DNAH6: variants seen among roughly 807,000 people sequenced by gnomAD.
The protein encoded by DNAH6 is dynein axonemal heavy chain 6.
In DNAH6, 340 loss-of-function variants were observed where a neutral mutation model predicts 491.4. The observed-to-expected ratio is 0.69, with a 90% CI of 0.63 to 0.76. The LOEUF (loss-of-function observed/expected upper bound fraction) is 0.76, where lower values mean the gene tolerates loss of function less well. DNAH6 is among the 30% of genes least tolerant of loss of function. The pLI is 0.00. For synonymous variants in DNAH6, 1,603 were observed against 1,686.1 expected, an observed-to-expected ratio of 0.95 and a Z score of 1.21; for missense variants, 4,443 against 4,972.2, an observed-to-expected ratio of 0.89 and a Z score of 3.20.
chr2:84,739,783 G>C (rs1485794977), intron 62 of DNAH6, among the ~76,000 whole-genome samples: 1 of 151,972 alleles, frequency 6.6e-6, no homozygotes, highest in Non-Finnish European at 1.5e-5. Context: ...TTCATATCTT[G>C]GATCATTTTT....
intron 58 of DNAH6, among the ~76,000 whole-genome samples, chr2:84,716,841 G>A (rs922494395): frequency 2.6e-5 from 4 of 152,138 alleles, no homozygotes; most frequent in Admixed American, 1.3e-4. Flanking sequence ...CATTGAAAAG[G>A]GAAGCTAACA....
At chr2:84,560,210 A>G (rs1680499548) in intron 11 of DNAH6, among the ~76,000 whole-genome samples, 1 of 152,062 alleles carries the variant, frequency 6.6e-6, no homozygotes, top group Admixed American at 6.6e-5. Context: ...ACAACAATCA[A>G]CTCTAAGATA....
chr2:84,596,084 C>G (rs1323955337), intron 18 of DNAH6, among the ~76,000 whole-genome samples: 1 of 152,006 alleles, frequency 6.6e-6, no homozygotes, highest in Non-Finnish European at 1.5e-5. Context: ...GTGCTCAAAC[C>G]CTTAGGGAGC....
the DNAH6 span, among the ~76,000 whole-genome samples, chr2:84,508,852 T>C: frequency 6.6e-6 from 1 of 152,260 alleles, no homozygotes; most frequent in Non-Finnish European, 1.5e-5. Context: ...GAGCAGGTTG[T>C]TCAGTTTCCA....
intron 54 of DNAH6, 121 bp downstream of exon 54, chr2:84,707,837 T>C: frequency 1.4e-6 from 1 of 720,122 alleles, no homozygotes; most frequent in East Asian, 2.7e-5. Flanking sequence ...ATGGTGGAAT[T>C]TCTTTATATA....
chr2:84,504,765 T>C, the DNAH6 span, among the ~76,000 whole-genome samples: 1 of 152,316 alleles, frequency 6.6e-6, no homozygotes, highest in South Asian at 2.1e-4. Context: ...AATTGTAGCT[T>C]TGTAGTAAGT....
chr2:84,745,244 G>C lies in DNAH6; in HGVS notation c.10507G>C (p.Glu3503Gln), dbSNP rs1055675619. Reference sequence around the variant, plus strand: ...AATTCTTATTAAATGTTGTAAAGAAGAAAAGGTAGGGCATTTTTTTAATTA... The same window carrying C: ...AATTCTTATTAAATGTTGTAAAGAACAAAAGGTAGGGCATTTTTTTAATTA... ...KLILIKCCKEEKVVFALTDFV... is the reference protein window; with the variant it reads ...KLILIKCCKEQKVVFALTDFV... Residue 3503 changes from glutamate to glutamine, a missense_variant, in exon 63 of 77, where the codon GAA becomes CAA. Glu to Gln is a conservative substitution (Grantham distance 29). Transcript: ENST00000389394. 6.0e-6 allele frequency: 9 copies of C among 1,487,828 alleles called. No homozygotes were observed. Among genetic ancestry groups the C allele is most frequent in the Admixed American group, 5.1e-5 (2 of 38,940 alleles). The allele number at this position is 1,487,828 out of a possible 1,614,324, so 92.2% of individuals were successfully genotyped here. A position where few individuals can be genotyped will look rare whatever the true frequency, so the allele number is the denominator to read the frequency against.
intron 45 of DNAH6, among the ~76,000 whole-genome samples, chr2:84,690,000 T>C (rs569126200): frequency 6.6e-6 from 1 of 152,372 alleles, no homozygotes; most frequent in South Asian, 2.1e-4. Context: ...TGTTGGAGAT[T>C]ATTTCCAGTC....
chr2:84,787,807 AAAACCTTTCAGGAATT>A (rs1191428432), intron 68 of DNAH6, among the ~76,000 whole-genome samples: 1 of 152,222 alleles, frequency 6.6e-6, no homozygotes, highest in Non-Finnish European at 1.5e-5. Flanking sequence ...TAAAAAAGGA[AAAACCTTTCAGGAATT>A]AAATTTTTGG....
At chr2:84,468,767 T>C in the DNAH6 span, among the ~76,000 whole-genome samples, 1 of 152,234 alleles carries the variant, frequency 6.6e-6, no homozygotes, top group African/African-American at 2.4e-5. Context: ...TCATTAATTT[T>C]GAGTTTTCAA....
chr2:84,467,010 C>T, the DNAH6 span, among the ~76,000 whole-genome samples: 4 of 152,114 alleles, frequency 2.6e-5, no homozygotes, highest in African/African-American at 7.2e-5. Flanking sequence ...AACCAAACAC[C>T]GTTTTTACAA....
chr2:84,492,761 A>G, the DNAH6 span, among the ~76,000 whole-genome samples: 3 of 152,172 alleles, frequency 2.0e-5, no homozygotes, highest in Non-Finnish European at 4.4e-5. Context: ...GCTTACTGCT[A>G]TTGCCCACTG....
intron 14 of DNAH6, among the ~76,000 whole-genome samples, chr2:84,580,734 T>C (rs1412533956): frequency 2.7e-5 from 3 of 110,244 alleles, no homozygotes; most frequent in Non-Finnish European, 6.1e-5. Context: ...TATTATTGTT[T>C]GTATTCATTA....
chr2:84,627,349 AT>A (rs571070998), intron 29 of DNAH6, among the ~76,000 whole-genome samples: 1 of 152,096 alleles, frequency 6.6e-6, no homozygotes, highest in East Asian at 1.9e-4. Flanking sequence ...TCCTTGAGCA[AT>A]TTTTTTCCCA....
chr2:84,577,188 A>G, intron 12 of DNAH6, 69 bp from the exon 13 acceptor site: 1 of 918,060 alleles, frequency 1.1e-6, no homozygotes, highest in Middle Eastern at 2.4e-4. Flanking sequence ...GATTTTTAAT[A>G]TATTTTGTAA....
chr2:84,515,063 A>G (rs79726471), upstream of DNAH6, among the ~76,000 whole-genome samples: 131 of 152,308 alleles, frequency 8.6e-4, 1 homozygote, highest in East Asian at 0.023. Flanking sequence ...CTGAAATGAA[A>G]TCTATTCTGA....
chr2:84,531,918 G>A (rs1677215678), intron 4 of DNAH6, among the ~76,000 whole-genome samples: 1 of 152,064 alleles, frequency 6.6e-6, no homozygotes, highest in Non-Finnish European at 1.5e-5. Flanking sequence ...TGAAGAACTT[G>A]TAGATCTTAA....
intron 62 of DNAH6, among the ~76,000 whole-genome samples, chr2:84,734,505 T>C (rs1485449281): frequency 1.3e-5 from 2 of 152,226 alleles, no homozygotes; most frequent in Admixed American, 1.3e-4. Flanking sequence ...ATTATACTCA[T>C]GGTTTTCATG....
intron 37 of DNAH6, among the ~76,000 whole-genome samples, chr2:84,659,423 C>A (rs1004236067): frequency 9.2e-5 from 14 of 152,020 alleles, no homozygotes; most frequent in African/African-American, 3.4e-4. Context: ...ATATTGAATT[C>A]TAGTTAGTAA....
Sources: allele counts gnomAD v4.1 joint callset (sites outside exome capture counted in the v4.1 genomes callset), GRCh38; gene constraint gnomAD v4.1.1; transcripts MANE v1.5; gene names NCBI Gene and HGNC (gene_info 2026-07-23, HGNC 2026-07-21).